ACAA2: variants seen among roughly 807,000 people sequenced by gnomAD.
ACAA2 encodes the protein acetyl-CoA acyltransferase 2.
Under a neutral mutation model 44.8 loss-of-function variants are expected in ACAA2, and 35 were observed. That is an observed-to-expected ratio of 0.78 (90% confidence interval 0.60 to 1.04). The LOEUF (loss-of-function observed/expected upper bound fraction) is 1.04, where lower values mean the gene tolerates loss of function less well. ACAA2 is among the 50% of genes least tolerant of loss of function. ACAA2 has a pLI of 0.00. For missense variants in ACAA2, 468 were observed against 482.6 expected, an observed-to-expected ratio of 0.97 and a Z score of 0.28; for synonymous variants, 142 against 166.5, an observed-to-expected ratio of 0.85 and a Z score of 1.13.
chr18:49,797,713 G>T, intron 2 of ACAA2, 119 bp from the exon 3 acceptor site: 2 of 767,374 alleles, frequency 2.6e-6, no homozygotes, highest in Non-Finnish European at 3.9e-6. Flanking sequence ...ATGGCTCTAA[G>T]GTAGGACAAA....
intron 1 of ACAA2, among the ~76,000 whole-genome samples, chr18:49,804,729 C>T (rs1369103298): frequency 1.3e-5 from 2 of 152,150 alleles, no homozygotes; most frequent in East Asian, 3.9e-4. Context: ...AAATTTGCAG[C>T]ATCACTATTA....
intron 4 of ACAA2, among the ~76,000 whole-genome samples, chr18:49,795,211 A>T (rs2023451473): frequency 6.6e-6 from 1 of 152,220 alleles, no homozygotes; most frequent in African/African-American, 2.4e-5. Flanking sequence ...CATGGGAATG[A>T]GAAGAAAACA....
At chr18:49,809,443 C>T (rs941038413) in intron 1 of ACAA2, among the ~76,000 whole-genome samples, 11 of 152,210 alleles carry the variant, frequency 7.2e-5, no homozygotes, top group African/African-American at 2.4e-4. Flanking sequence ...CAGCTCTAGC[C>T]GGTCCCTCCA....
intron 7 of ACAA2, among the ~76,000 whole-genome samples, chr18:49,788,484 T>C (rs1230124097): frequency 6.6e-6 from 1 of 152,228 alleles, no homozygotes; most frequent in African/African-American, 2.4e-5. Flanking sequence ...TGCACTTCAA[T>C]TTAAAATGCC....
At position 49,788,546 on chromosome 18, in the gene ACAA2, G is replaced by A. The variant is rs749481787; in HGVS notation, c.884-1185C>T. On this transcript the variant is annotated intron_variant, in intron 7 of 9. Transcript: ENST00000285093. ...CAGCTACTGATTTACTACAGGATCTGATTCCAGATTCTCTTTGTATGTCTA... is the reference window on the plus strand; with the variant it reads ...CAGCTACTGATTTACTACAGGATCTAATTCCAGATTCTCTTTGTATGTCTA... Among the ~76,000 whole-genome samples the A allele has an allele frequency of 2.2e-4, 33 of 152,194 alleles. 1 individual carries two copies. Among genetic ancestry groups the A allele is most frequent in the Non-Finnish European group, 2.9e-5 (2 of 68,036 alleles).
At chr18:49,785,800 TAA>T (rs1449318670) in intron 8 of ACAA2, 1 of 170,560 alleles carries the variant, frequency 5.9e-6, no homozygotes, top group Non-Finnish European at 1.2e-5. Context: ...TCATGAGTAT[TAA>T]GTGTCCAGTG....
Position 49,783,804 on chromosome 18 carries a change from C to G in ACAA2, c.*43G>C. 1 of 1,559,058 alleles carries G rather than the reference C, an allele frequency of 6.4e-7. No individual in the cohort carries two copies. The highest frequency in any genetic ancestry group is 8.8e-7 in the Non-Finnish European group (1 of 1,132,990). On this transcript the variant is annotated 3_prime_UTR_variant, in exon 10 of 10. Transcript: ENST00000285093. ...GGTCACTTGTTTTACTGTGGCCTGG[C>G]CAAGTAGAGTAAGGATGGGTCACAG...
chr18:49,789,374 A>G (rs780147079), intron 7 of ACAA2, among the ~76,000 whole-genome samples: 8 of 152,126 alleles, frequency 5.3e-5, no homozygotes, highest in Non-Finnish European at 8.8e-5. Context: ...TCCCATCACT[A>G]TATACAAGTG....
At chr18:49,806,720 A>G (rs2023613832) in intron 1 of ACAA2, among the ~76,000 whole-genome samples, 1 of 152,236 alleles carries the variant, frequency 6.6e-6, no homozygotes, top group Admixed American at 6.5e-5. Context: ...ATTCTATTAC[A>G]ACTATGCTCA....
intron 6 of ACAA2, among the ~76,000 whole-genome samples, chr18:49,791,848 GAAGA>G (rs985118781): frequency 6.6e-6 from 1 of 151,626 alleles, no homozygotes; most frequent in Non-Finnish European, 1.5e-5. Flanking sequence ...GTAGATGTAA[GAAGA>G]AATACGATAA....
chr18:49,784,773 C>T (rs1311775105), intron 9 of ACAA2, among the ~76,000 whole-genome samples: 2 of 152,158 alleles, frequency 1.3e-5, no homozygotes, highest in Non-Finnish European at 2.9e-5. Flanking sequence ...AAAACTTAGA[C>T]CCAAATGTCA....
chr18:49,802,054 T>G (rs1267268896), intron 2 of ACAA2, among the ~76,000 whole-genome samples: 3 of 151,918 alleles, frequency 2.0e-5, no homozygotes, highest in African/African-American at 7.3e-5. Context: ...TGTAAGAAAA[T>G]TAGGGGAGGT....
rs200659122 is a variant in ACAA2 at position 49,787,271 on chromosome 18, A to AAC, written c.954+19_954+20insGT. 0.012 allele frequency: 15,912 copies of AAC among 1,309,902 alleles called. 33 individuals are homozygous for AAC. The highest frequency in any genetic ancestry group is 0.014 in the Non-Finnish European group (13,464 of 987,284). The allele number at this position is 1,309,902 out of a possible 1,614,324, so 81.1% of individuals were successfully genotyped here. The stretch of plus-strand genomic sequence containing the variant: ...TTTATTCATGTTGTTAAAAAAAAAA[A>AAC]AAAAAAAAAAAACACTTACCTCTAC... On this transcript the variant is annotated intron_variant, in intron 8 of 9. Transcript: ENST00000285093.
intron 5 of ACAA2, among the ~76,000 whole-genome samples, chr18:49,792,637 G>A (rs2023417437): frequency 6.6e-6 from 1 of 151,946 alleles, no homozygotes; most frequent in African/African-American, 2.4e-5. Flanking sequence ...TAGTAGAGAT[G>A]GGGTTTCTCC....
intron 3 of ACAA2, among the ~76,000 whole-genome samples, chr18:49,796,188 C>T (rs2023463073): frequency 6.6e-6 from 1 of 152,196 alleles, no homozygotes; most frequent in African/African-American, 2.4e-5. Flanking sequence ...GATATTAATA[C>T]CTGGCATAAA....
intron 1 of ACAA2, chr18:49,812,583 G>A (rs2023682989): frequency 6.6e-6 from 1 of 152,082 alleles, no homozygotes; most frequent in African/African-American, 2.4e-5. Context: ...CTGCTCCCTG[G>A]ACCTCTACAA....
chr18:49,787,384 T>C, intron 7 of ACAA2, 23 bp from the exon 8 acceptor site: 6 of 1,338,706 alleles, frequency 4.5e-6, no homozygotes, highest in Non-Finnish European at 5.9e-6. Flanking sequence ...AAAAATCTTC[T>C]ATAAAAATAT....
At chr18:49,811,612 T>C (rs2023670471) in intron 1 of ACAA2, 1 of 152,212 alleles carries the variant, frequency 6.6e-6, no homozygotes, top group Admixed American at 6.5e-5. Flanking sequence ...CATGCTCTTC[T>C]TTCTTCCCAC....
chr18:49,811,804 T>C (rs2023672445), intron 1 of ACAA2, among the ~76,000 whole-genome samples: 1 of 152,108 alleles, frequency 6.6e-6, no homozygotes, highest in South Asian at 2.1e-4. Flanking sequence ...ATTGCTACAA[T>C]AAGGAAATGG....
Sources: allele counts gnomAD v4.1 joint callset (sites outside exome capture counted in the v4.1 genomes callset), GRCh38; gene constraint gnomAD v4.1.1; transcripts MANE v1.5; gene names NCBI Gene and HGNC (gene_info 2026-07-23, HGNC 2026-07-21).